The following KCNK2 variants were observed in gnomAD, a reference collection of about 807,000 sequenced individuals.
KCNK2 encodes potassium channel subfamily K member 2.
Under a neutral mutation model 40.5 loss-of-function variants are expected in KCNK2, and 21 were observed. The ratio of observed to expected loss-of-function variants is 0.52; its 90% CI spans 0.37 to 0.75. The LOEUF (loss-of-function observed/expected upper bound fraction) is 0.75. Ranked by LOEUF, KCNK2 falls within the 30% of genes least tolerant of loss-of-function variation. The pLI, the probability that KCNK2 is intolerant of heterozygous loss-of-function variation, is 0.00. For synonymous variants in KCNK2, 191 were observed against 202.2 expected (o/e 0.94, Z 0.47); for missense variants, 399 against 531.6 (o/e 0.75, Z 2.45).
chr1:215,167,969 C>T (rs1663522241), intron 3 of KCNK2, among the ~76,000 whole-genome samples: 1 of 151,928 alleles, frequency 6.6e-6, no homozygotes, highest in African/African-American at 2.4e-5. Flanking sequence ...TGCAATCTAC[C>T]CATCTAACAA....
chr1:215,133,882 C>T (rs1571650089), intron 3 of KCNK2, among the ~76,000 whole-genome samples: 1 of 152,248 alleles, frequency 6.6e-6, no homozygotes, highest in East Asian at 1.9e-4. Flanking sequence ...ATATGAACTA[C>T]TGAAAGCCAC....
At chr1:215,020,281 A>G (rs1408163893) in intron 1 of KCNK2, among the ~76,000 whole-genome samples, 1 of 152,240 alleles carries the variant, frequency 6.6e-6, no homozygotes, top group Non-Finnish European at 1.5e-5. Context: ...ATCAAAGATA[A>G]AGTCTGGCTA....
At chr1:215,123,979 A>G (rs1184687844) in intron 2 of KCNK2, among the ~76,000 whole-genome samples, 3 of 152,162 alleles carry the variant, frequency 2.0e-5, no homozygotes, top group Admixed American at 2.0e-4. Context: ...GTCTCTATGT[A>G]ATATTGCTGG....
At chr1:215,130,381 C>T (rs1661616748) in intron 3 of KCNK2, among the ~76,000 whole-genome samples, 1 of 152,128 alleles carries the variant, frequency 6.6e-6, no homozygotes, top group Non-Finnish European at 1.5e-5. Flanking sequence ...TTGGCTGTTC[C>T]TAAATTATAT....
intron 5 of KCNK2, among the ~76,000 whole-genome samples, chr1:215,185,143 A>G (rs1363482611): frequency 7.2e-6 from 1 of 139,746 alleles, no homozygotes; most frequent in Non-Finnish European, 1.6e-5. Context: ...ATTTTTTTTT[A>G]TTTGACAGAG....
At chr1:215,032,103 A>ATTT (rs368295671) in intron 1 of KCNK2, among the ~76,000 whole-genome samples, 11,347 of 137,650 alleles carry the variant, frequency 0.082, 535 homozygotes, top group Middle Eastern at 0.15. Context: ...TCAATTAAGG[A>ATTT]TTTTTTTTTT....
chr1:215,168,536 A>G (rs1663552653), intron 3 of KCNK2, among the ~76,000 whole-genome samples: 1 of 152,238 alleles, frequency 6.6e-6, no homozygotes, highest in Admixed American at 6.5e-5. Context: ...AAAAGGAATG[A>G]GATCATGTCC....
chr1:215,205,001 T>C (rs7526079), intron 6 of KCNK2, among the ~76,000 whole-genome samples: 137,961 of 152,198 alleles, frequency 0.91, 63,023 homozygotes, highest in East Asian at 1. Context: ...TGTATACATG[T>C]ATATGTGTGC....
intron 6 of KCNK2, among the ~76,000 whole-genome samples, chr1:215,195,311 G>A (rs530994708): frequency 1.1e-3 from 161 of 151,882 alleles, no homozygotes; most frequent in African/African-American, 3.7e-3. Context: ...TCAGAACTGA[G>A]GGTAATTTCT....
rs569083257 is a variant in KCNK2, at chr1:215,009,046, T to G, written c.34+3091T>G. Among the ~76,000 whole-genome samples the G allele has an allele frequency of 2.0e-5, 3 of 152,276 alleles. No homozygotes were observed. The South Asian group carries it at 6.2e-4, about 32-fold the overall frequency. On this transcript the variant is annotated intron_variant, in intron 1 of 6. Transcript: ENST00000391895. ...TGGTATATAACCATGTCTAATCATC[T>G]TAGAAAAGCCACTGTAGCCAACAAA...
At chr1:215,183,327 C>T (rs1664301768) in intron 5 of KCNK2, among the ~76,000 whole-genome samples, 1 of 152,064 alleles carries the variant, frequency 6.6e-6, no homozygotes, top group East Asian at 1.9e-4. Flanking sequence ...AAGTTCTTGG[C>T]TACGTAAAAT....
chr1:215,159,761 G>T (rs1302512595), intron 3 of KCNK2, among the ~76,000 whole-genome samples: 1 of 151,968 alleles, frequency 6.6e-6, no homozygotes, highest in Admixed American at 6.6e-5. Flanking sequence ...CTTATTAATT[G>T]CAAAAGAAAA....
intron 5 of KCNK2, among the ~76,000 whole-genome samples, chr1:215,188,201 T>C (rs1556904): frequency 0.96 from 145,514 of 152,270 alleles, 69,870 homozygotes; most frequent in East Asian, 1. Context: ...TAGTTTTGAA[T>C]GCTTACCAGG....
intron 6 of KCNK2, among the ~76,000 whole-genome samples, chr1:215,223,590 G>A (rs1349970520): frequency 6.6e-6 from 1 of 152,086 alleles, no homozygotes; most frequent in African/African-American, 2.4e-5. Flanking sequence ...AGGAATGCAT[G>A]GTGGAAGGGG....
At chr1:215,031,076 G>T (rs1657172807) in intron 1 of KCNK2, among the ~76,000 whole-genome samples, 2 of 151,974 alleles carry the variant, frequency 1.3e-5, no homozygotes, top group Non-Finnish European at 2.9e-5. Context: ...CTGTTTCTGG[G>T]CTTTCTTTTC....
intron 1 of KCNK2, among the ~76,000 whole-genome samples, chr1:215,026,451 G>T (rs986580894): frequency 6.6e-6 from 1 of 151,906 alleles, no homozygotes; most frequent in Non-Finnish European, 1.5e-5. Context: ...CATGAGATGG[G>T]TTTATTAATT....
intron 1 of KCNK2, among the ~76,000 whole-genome samples, chr1:215,006,213 T>C (rs1656122854): frequency 6.6e-6 from 1 of 152,206 alleles, no homozygotes. Flanking sequence ...ATTTGCGATG[T>C]GTTACTTCTG....
rs1659218963 is a variant in KCNK2, at chr1:215,082,769, C to T, written c.-617C>T. 6.6e-6 allele frequency among the ~76,000 whole-genome samples: 1 copy of T among 151,898 alleles called. No homozygotes were observed. The highest frequency in any genetic ancestry group is 2.4e-5 in the African/African-American group (1 of 41,398). On this transcript the variant is annotated 5_prime_UTR_variant, in exon 1 of 7. Transcript: ENST00000444842. ...CCGGCAAGGGGCGACAGGAGCGAGC[C>T]GGGAAGGGAGAGCAGCGGAGGGCTG...
intron 3 of KCNK2, among the ~76,000 whole-genome samples, chr1:215,128,508 A>G (rs1355518978): frequency 6.6e-6 from 1 of 152,220 alleles, no homozygotes; most frequent in Non-Finnish European, 1.5e-5. Flanking sequence ...ACTGAAGAAT[A>G]ACAAAAATAA....
Sources: allele counts gnomAD v4.1 joint callset (sites outside exome capture counted in the v4.1 genomes callset), GRCh38; gene constraint gnomAD v4.1.1; transcripts MANE v1.5; gene names NCBI Gene and HGNC (gene_info 2026-07-23, HGNC 2026-07-21).